GPCPD1: variants seen among roughly 807,000 people sequenced by gnomAD.
GPCPD1 encodes the protein glycerophosphocholine phosphodiesterase 1, also known as glycerophosphocholine phosphodiesterase GPCPD1.
In GPCPD1, 29 loss-of-function variants were observed where a neutral mutation model predicts 89.2. The observed-to-expected ratio is 0.33, with a 90% CI of 0.24 to 0.44. The LOEUF is 0.44. Ranked by LOEUF, GPCPD1 falls within the 20% of genes least tolerant of loss-of-function variation. The pLI, the probability that GPCPD1 is intolerant of heterozygous loss-of-function variation, is 1.00. For synonymous variants in GPCPD1, 258 were observed against 266.3 expected, an observed-to-expected ratio of 0.97 and a Z score of 0.30; for missense variants, 594 against 808.9, an observed-to-expected ratio of 0.73 and a Z score of 3.22.
chr20:5,555,431 C>T (rs111228289), intron 19 of GPCPD1, among the ~76,000 whole-genome samples: 11 of 152,240 alleles, frequency 7.2e-5, no homozygotes, highest in African/African-American at 2.6e-4. Context: ...CCCAGCTACT[C>T]GGGAGGCTGA....
intron 19 of GPCPD1, chr20:5,549,072 C>G (rs984509990): frequency 9.2e-6 from 6 of 649,466 alleles, no homozygotes; most frequent in Non-Finnish European, 1.4e-5. Context: ...ATCCAGTTGT[C>G]TAGTAATTTA....
In GPCPD1 at chr20:5,559,994, T is replaced by G; in HGVS notation, c.1478A>C (p.Asn493Thr). The change falls in exon 17 of 20, where the codon AAT (asparagine) becomes ACT (threonine). Residue 493 changes from asparagine to threonine, a missense_variant. Asn to Thr is a moderately conservative substitution (Grantham distance 65, BLOSUM62 0). Transcript: ENST00000379019. ...AAACACTATTCTCCTCTTCCCAGAA[T>G]TTTCTAAAACAGTTTTTAAAATTAT... Reference protein sequence around the residue: ...LDIILKTVLENSGKRRIVFSS... With the variant: ...LDIILKTVLETSGKRRIVFSS... 6.3e-7 allele frequency: 1 copy of G among 1,575,194 alleles called. No homozygotes were observed. The highest frequency in any genetic ancestry group is 8.7e-7 in the Non-Finnish European group (1 of 1,153,490).
rs770588888 is a variant in GPCPD1 at position 5,570,289 on chromosome 20, C to T, written c.1057-50G>A. 1.8e-5 allele frequency: 16 copies of T among 875,066 alleles called. No individual in the cohort carries two copies. The East Asian group carries it at 2.0e-4, about 11-fold the overall frequency. The allele number at this position is 875,066 out of a possible 1,614,324, so 54.2% of individuals were successfully genotyped here. A position where few individuals can be genotyped will look rare whatever the true frequency, so the allele number is the denominator to read the frequency against. On this transcript the variant is annotated intron_variant, in intron 11 of 19. Coordinates refer to ENST00000379019, the MANE Select transcript of GPCPD1 (RefSeq NM_019593.5). ...AAAAACATTGCCTGGTACACAGTAC[C>T]TCTCAAACTGCAAGAACGTAAGAAA...
intron 6 of GPCPD1, among the ~76,000 whole-genome samples, chr20:5,580,681 G>A (rs1037735569): frequency 3.7e-4 from 54 of 146,510 alleles, no homozygotes; most frequent in African/African-American, 1.2e-3. Context: ...AGCCGAGATC[G>A]CACCACTGCA....
intron 11 of GPCPD1, among the ~76,000 whole-genome samples, chr20:5,572,604 G>A (rs1184781087): frequency 2.0e-5 from 3 of 152,156 alleles, no homozygotes; most frequent in Admixed American, 2.0e-4. Context: ...AAAGTTGAGG[G>A]CATATGGAGT....
intron 9 of GPCPD1, 94 bp downstream of exon 9, chr20:5,575,722 T>C (rs1978287201): frequency 3.1e-6 from 3 of 956,212 alleles, no homozygotes; most frequent in African/African-American, 1.7e-5. Flanking sequence ...AAGCAAATTA[T>C]TAATTTCATC....
At chr20:5,566,944 A>G (rs941939207) in intron 13 of GPCPD1, among the ~76,000 whole-genome samples, 172 bp from the exon 14 acceptor site, 36 of 152,234 alleles carry the variant, frequency 2.4e-4, no homozygotes, top group Non-Finnish European at 1.0e-4. Flanking sequence ...ATGTGCATAC[A>G]CATTTAAGAT....
intron 11 of GPCPD1, among the ~76,000 whole-genome samples, 187 bp from the exon 12 acceptor site, chr20:5,570,426 C>CA (rs36030193): frequency 0.28 from 23,765 of 85,610 alleles, 3,297 homozygotes; most frequent in East Asian, 0.34. Flanking sequence ...TTTTTCCTGG[C>CA]AAAAAAAAAA....
intron 11 of GPCPD1, among the ~76,000 whole-genome samples, chr20:5,571,782 G>A (rs776395512): frequency 7.9e-5 from 12 of 151,978 alleles, no homozygotes; most frequent in Non-Finnish European, 1.5e-5. Flanking sequence ...GGTGGCAAAC[G>A]CCTGTAATCT....
rs574878916 is a variant in GPCPD1 at position 5,576,777 on chromosome 20, G to A, written c.706-799C>T. 3.3e-5 allele frequency among the ~76,000 whole-genome samples: 5 copies of A among 152,184 alleles called. No homozygotes were observed. In the South Asian group the frequency reaches 1.0e-3, roughly 32 times the overall value. On this transcript the variant is annotated intron_variant, in intron 8 of 19. Transcript: ENST00000379019. ...AAACCAAATACTATACTCACTTTGA[G>A]ATTACACTGGATATTTTATCAGCCT...
intron 6 of GPCPD1, 24 bp downstream of exon 6, chr20:5,584,256 AT>A: frequency 1.8e-6 from 2 of 1,115,664 alleles, no homozygotes; most frequent in Non-Finnish European, 2.7e-6. Context: ...TTCAGTAAAC[AT>A]TTAAGTAAGT....
Position 5,546,234 on chromosome 20 carries a change from A to G in GPCPD1, c.*1427T>C, listed in dbSNP as rs1045705155. 2.0e-5 allele frequency: 3 copies of G among 152,220 alleles called. No individual in the cohort carries two copies. The highest frequency in any genetic ancestry group is 4.4e-5 in the Non-Finnish European group (3 of 68,042). 9.4% of individuals were successfully genotyped at this position (152,220 alleles called of 1,614,324 possible). A position where few individuals can be genotyped will look rare whatever the true frequency, so the allele number is the denominator to read the frequency against. On this transcript the variant is annotated 3_prime_UTR_variant, in exon 20 of 20. Coordinates refer to ENST00000379019, the MANE Select transcript of GPCPD1 (RefSeq NM_019593.5). ...TCTTCACACAAATAAGATCTGACCAAAATTGCATTGCTTAGCTTAAAAAAT... is the reference window on the plus strand; with the variant it reads ...TCTTCACACAAATAAGATCTGACCAGAATTGCATTGCTTAGCTTAAAAAAT...
intron 15 of GPCPD1, 32 bp downstream of exon 15, chr20:5,564,985 T>C (rs762895047): frequency 3.9e-6 from 4 of 1,034,202 alleles, no homozygotes; most frequent in South Asian, 2.6e-5. Flanking sequence ...AAGTTAATGA[T>C]AGCCTTGCCT....
intron 14 of GPCPD1, 83 bp from the exon 15 acceptor site, chr20:5,565,161 A>G (rs1455655652): frequency 2.6e-6 from 2 of 766,224 alleles, no homozygotes; most frequent in Non-Finnish European, 4.7e-6. Context: ...GTGCCAAAAA[A>G]AACAGGGAAA....
chr20:5,584,680 G>T, intron 5 of GPCPD1: 1 of 163,018 alleles, frequency 6.1e-6, no homozygotes, highest in Non-Finnish European at 1.3e-5. Flanking sequence ...TCAAACCAAA[G>T]GTCTTGGCAC....
rs899935035 is a variant in GPCPD1, at chr20:5,561,398, C to T, written c.1395+67G>A. The T allele has an allele frequency of 1.1e-5, 9 of 828,902 alleles. No homozygotes were observed. In the African/African-American group the frequency reaches 1.4e-4, roughly 13 times the overall value. The allele number at this position is 828,902 out of a possible 1,614,324, so 51.3% of individuals were successfully genotyped here. On this transcript the variant is annotated intron_variant, in intron 16 of 19. Transcript: ENST00000379019. ...AGCTTATTCCATTAAAATACAAAGA[C>T]AGGAATGAAAGAATTTTTTAGATAG...
chr20:5,589,588 C>A (rs1054934115), intron 4 of GPCPD1, among the ~76,000 whole-genome samples: 9 of 152,044 alleles, frequency 5.9e-5, no homozygotes, highest in Admixed American at 5.9e-4. Context: ...GCAACAAGAG[C>A]GAAACTCCAT....
At chr20:5,569,531 C>A (rs1279677576) in intron 12 of GPCPD1, among the ~76,000 whole-genome samples, 1 of 151,680 alleles carries the variant, frequency 6.6e-6, no homozygotes, top group African/African-American at 2.4e-5. Flanking sequence ...CTTCTCCATT[C>A]TTCTGGTCCC....
intron 11 of GPCPD1, among the ~76,000 whole-genome samples, chr20:5,571,296 C>A (rs1986697875): frequency 1.3e-5 from 2 of 152,204 alleles, no homozygotes; most frequent in African/African-American, 2.4e-5. Context: ...AGAGGACAAA[C>A]CCTACCATTC....
Sources: allele counts gnomAD v4.1 joint callset (sites outside exome capture counted in the v4.1 genomes callset), GRCh38; gene constraint gnomAD v4.1.1; transcripts MANE v1.5; gene names NCBI Gene and HGNC (gene_info 2026-07-23, HGNC 2026-07-21).